SLC35F3: variants seen among roughly 807,000 people sequenced by gnomAD.
SLC35F3 encodes the protein putative thiamine transporter SLC35F3.
A neutral mutation model predicts 49.9 loss-of-function variants in SLC35F3; 25 were observed. That is an observed-to-expected ratio of 0.50 (90% CI 0.37 to 0.70). The LOEUF is 0.70. Ranked by LOEUF, SLC35F3 falls within the 30% of genes least tolerant of loss-of-function variation. The pLI is 0.00. For synonymous variants in SLC35F3, 275 were observed against 265.4 expected (o/e 1.04, Z -0.35); for missense variants, 525 against 639.8 (o/e 0.82, Z 1.94).
At chr1:233,911,401 A>C (rs1201816426) in intron 2 of SLC35F3, among the ~76,000 whole-genome samples, 1 of 152,184 alleles carries the variant, frequency 6.6e-6, no homozygotes, top group Non-Finnish European at 1.5e-5. Context: ...GAAGATTTTA[A>C]AAGAAAAGAG....
intron 3 of SLC35F3, among the ~76,000 whole-genome samples, chr1:234,271,172 A>T (rs978278433): frequency 1.3e-5 from 2 of 152,338 alleles, no homozygotes; most frequent in South Asian, 4.1e-4. Flanking sequence ...AAATTTAAAG[A>T]TGTGTGGGAA....
intron 2 of SLC35F3, among the ~76,000 whole-genome samples, chr1:234,072,749 G>A (rs1572041189): frequency 6.6e-6 from 1 of 152,300 alleles, no homozygotes; most frequent in East Asian, 1.9e-4. Context: ...CAAAATGGCT[G>A]CGGCCTATGA....
intron 2 of SLC35F3, among the ~76,000 whole-genome samples, chr1:233,950,385 C>CAA (rs58271294): frequency 0.076 from 2,380 of 31,342 alleles, 624 homozygotes; most frequent in African/African-American, 0.25. Flanking sequence ...GACTCTGTCT[C>CAA]AAAAAAAAAA....
chr1:233,987,556 T>A (rs986042645), intron 2 of SLC35F3, among the ~76,000 whole-genome samples: 1 of 149,740 alleles, frequency 6.7e-6, no homozygotes, highest in Non-Finnish European at 1.5e-5. Flanking sequence ...TTTAGTATAT[T>A]GATTTTGCAT....
chr1:234,029,847 G>C (rs1246570197), intron 2 of SLC35F3, among the ~76,000 whole-genome samples: 1 of 152,178 alleles, frequency 6.6e-6, no homozygotes, highest in East Asian at 1.9e-4. Flanking sequence ...GGGCAATAGA[G>C]AGAGACTCTG....
At chr1:234,058,684 C>T (rs529744055) in intron 2 of SLC35F3, among the ~76,000 whole-genome samples, 1 of 152,210 alleles carries the variant, frequency 6.6e-6, no homozygotes, top group South Asian at 2.1e-4. Flanking sequence ...AGAATTTTTG[C>T]ACCCATTTTT....
At chr1:234,073,321 A>C (rs1664746363) in intron 2 of SLC35F3, among the ~76,000 whole-genome samples, 2 of 152,074 alleles carry the variant, frequency 1.3e-5, no homozygotes, top group South Asian at 4.2e-4. Flanking sequence ...TTTAAAAAAA[A>C]ATTTTGTAGA....
intron 2 of SLC35F3, among the ~76,000 whole-genome samples, chr1:234,065,079 G>T (rs555395597): frequency 1.3e-5 from 2 of 152,268 alleles, no homozygotes; most frequent in African/African-American, 4.8e-5. Context: ...TTTACTGTAT[G>T]CTTACAGTGC....
intron 2 of SLC35F3, among the ~76,000 whole-genome samples, chr1:234,037,461 C>A (rs919514652): frequency 6.6e-6 from 1 of 152,086 alleles, no homozygotes; most frequent in Admixed American, 6.6e-5. Context: ...TTGGAGAGGA[C>A]AAATATGCAA....
chr1:234,137,108 A>G (rs1665823361), intron 2 of SLC35F3, among the ~76,000 whole-genome samples: 1 of 152,256 alleles, frequency 6.6e-6, no homozygotes, highest in Non-Finnish European at 1.5e-5. Context: ...ACCAATCCAA[A>G]TAACACAGGG....
chr1:234,311,049 CTGAA>C (rs891500398), intron 4 of SLC35F3, among the ~76,000 whole-genome samples: 1 of 152,174 alleles, frequency 6.6e-6, no homozygotes, highest in African/African-American at 2.4e-5. Flanking sequence ...TAGACTGACA[CTGAA>C]TGAAGATCCC....
chr1:234,194,815 TATTCCA>T (rs1235611696), intron 2 of SLC35F3, among the ~76,000 whole-genome samples: 108 of 152,302 alleles, frequency 7.1e-4, no homozygotes, highest in African/African-American at 1.8e-3. Flanking sequence ...GGTCTTGGAA[TATTCCA>T]ATTCAAACAT....
chr1:234,252,930 A>G (rs1437143176), intron 3 of SLC35F3, among the ~76,000 whole-genome samples: 1 of 152,242 alleles, frequency 6.6e-6, no homozygotes, highest in Non-Finnish European at 1.5e-5. Flanking sequence ...ACATGATATC[A>G]TTACAGCATT....
intron 3 of SLC35F3, among the ~76,000 whole-genome samples, chr1:234,239,444 AG>A (rs1667520692): frequency 6.6e-6 from 1 of 152,220 alleles, no homozygotes; most frequent in African/African-American, 2.4e-5. Flanking sequence ...GCCAGCCGAT[AG>A]GCACATTGAA....
intron 2 of SLC35F3, among the ~76,000 whole-genome samples, chr1:233,978,575 A>G (rs1663129610): frequency 6.6e-6 from 1 of 152,204 alleles, no homozygotes; most frequent in South Asian, 2.1e-4. Flanking sequence ...TGCGGCTGCA[A>G]TCCAGGATCC....
chr1:234,123,869 T>C (rs1166380721), intron 2 of SLC35F3, among the ~76,000 whole-genome samples: 1 of 152,198 alleles, frequency 6.6e-6, no homozygotes. Flanking sequence ...GTGAGTAGTT[T>C]TAACAGCTGT....
intron 3 of SLC35F3, among the ~76,000 whole-genome samples, chr1:234,243,302 C>T (rs986505392): frequency 6.6e-6 from 1 of 152,154 alleles, no homozygotes; most frequent in African/African-American, 2.4e-5. Context: ...TTGCAGAGAT[C>T]ACGCCACTGC....
intron 2 of SLC35F3, among the ~76,000 whole-genome samples, chr1:233,920,772 A>G (rs1243500766): frequency 6.6e-6 from 1 of 152,218 alleles, no homozygotes; most frequent in African/African-American, 2.4e-5. Flanking sequence ...AACAATGACC[A>G]TGTTGGGAGG....
chr1:234,222,586 C>G (rs1448169530), intron 2 of SLC35F3, among the ~76,000 whole-genome samples: 1 of 152,188 alleles, frequency 6.6e-6, no homozygotes, highest in African/African-American at 2.4e-5. Context: ...CTTGGTGAGT[C>G]TGGTGGGCTG....
Sources: gnomAD v4.1 joint callset for allele counts (sites outside exome capture counted in the v4.1 genomes callset) on GRCh38, gnomAD v4.1.1 for gene constraint, MANE v1.5 for transcripts, NCBI Gene and HGNC (gene_info 2026-07-23, HGNC 2026-07-21) for gene names.